The following TBC1D4 variants were observed in gnomAD, a reference collection of about 807,000 sequenced individuals.
TBC1D4 encodes the protein TBC (Tre-2, BUB2, CDC16) domain-containing protein.
A neutral mutation model predicts 142.5 loss-of-function variants in TBC1D4; 121 were observed. The ratio of observed to expected loss-of-function variants is 0.85; its 90% CI spans 0.73 to 0.99. The LOEUF is 0.99. Ranked by LOEUF, TBC1D4 falls within the 50% of genes least tolerant of loss-of-function variation. TBC1D4 has a pLI of 0.00. For synonymous variants in TBC1D4, 630 were observed against 628.2 expected (o/e 1.00, Z -0.04); for missense variants, 1,475 against 1,606.6 (o/e 0.92, Z 1.40).
intron 1 of TBC1D4, among the ~76,000 whole-genome samples, chr13:75,370,260 C>T (rs953013565): frequency 1.3e-5 from 2 of 152,168 alleles, no homozygotes; most frequent in Admixed American, 6.5e-5. Flanking sequence ...TTGTGGGAGA[C>T]GTGGGAGATC....
intron 1 of TBC1D4, among the ~76,000 whole-genome samples, chr13:75,373,950 C>T (rs920618857): frequency 6.6e-6 from 1 of 152,118 alleles, no homozygotes; most frequent in Non-Finnish European, 1.5e-5. Flanking sequence ...TTCTTTTCAT[C>T]TTTGATTGCA....
At chr13:75,300,076 G>C (rs965696940) in intron 16 of TBC1D4, among the ~76,000 whole-genome samples, 4 of 151,914 alleles carry the variant, frequency 2.6e-5, no homozygotes, top group Non-Finnish European at 4.4e-5. Flanking sequence ...GGACTTTTTG[G>C]GTTTGTTTGA....
At chr13:75,371,736 A>T (rs966720160) in intron 1 of TBC1D4, among the ~76,000 whole-genome samples, 2 of 152,172 alleles carry the variant, frequency 1.3e-5, no homozygotes, top group Non-Finnish European at 2.9e-5. Context: ...TAATTAGAAG[A>T]GCGGTTTGCC....
chr13:75,361,997 A>C (rs1254258046), intron 2 of TBC1D4, 29 bp downstream of exon 2: 1 of 1,613,578 alleles, frequency 6.2e-7, no homozygotes, highest in African/African-American at 1.3e-5. Flanking sequence ...CTTTTGGGGC[A>C]AGGGCAGACA....
intron 11 of TBC1D4, among the ~76,000 whole-genome samples, chr13:75,322,269 C>T (rs886556632): frequency 6.6e-6 from 1 of 152,068 alleles, no homozygotes; most frequent in Non-Finnish European, 1.5e-5. Flanking sequence ...TTGCACATAG[C>T]CAAGAAAACA....
intron 11 of TBC1D4, among the ~76,000 whole-genome samples, chr13:75,321,317 C>A (rs1878758484): frequency 6.6e-6 from 1 of 152,000 alleles, no homozygotes; most frequent in Admixed American, 6.6e-5. Context: ...AGAAACCATG[C>A]TCTTGAATTG....
chr13:75,299,823 C>CAAAAAAAAA (rs56719877), intron 16 of TBC1D4, among the ~76,000 whole-genome samples: 8 of 105,966 alleles, frequency 7.5e-5, no homozygotes, highest in East Asian at 7.5e-4. Context: ...TTCTTTCCAG[C>CAAAAAAAAA]AAAAAAAAAA....
chr13:75,425,541 C>T (rs1886342173), intron 1 of TBC1D4, among the ~76,000 whole-genome samples: 2 of 152,172 alleles, frequency 1.3e-5, no homozygotes, highest in East Asian at 3.8e-4. Flanking sequence ...TCATTATTCA[C>T]AATAGCCAAG....
chr13:75,417,246 C>T (rs1593863769), intron 1 of TBC1D4, among the ~76,000 whole-genome samples: 2 of 152,164 alleles, frequency 1.3e-5, no homozygotes, highest in East Asian at 3.9e-4. Flanking sequence ...GCCACTTGCC[C>T]TAGACACGTC....
chr13:75,447,905 C>CA (rs914790697), intron 1 of TBC1D4, among the ~76,000 whole-genome samples: 11 of 151,686 alleles, frequency 7.3e-5, no homozygotes, highest in Non-Finnish European at 1.0e-4. Flanking sequence ...TGTCTAGTTG[C>CA]AAAAAAACCA....
At chr13:75,369,643 C>T (rs7983928) in intron 1 of TBC1D4, among the ~76,000 whole-genome samples, 151,917 of 152,358 alleles carry the variant, frequency 1, 75,740 homozygotes, top group Middle Eastern at 1. Context: ...TGTTTATCTA[C>T]AGAAAAGATA....
chr13:75,322,400 A>T (rs971278028), intron 11 of TBC1D4, among the ~76,000 whole-genome samples: 2 of 152,178 alleles, frequency 1.3e-5, no homozygotes, highest in Admixed American at 6.5e-5. Flanking sequence ...TCAACCCAAA[A>T]CTAATGTGTA....
rs144282392 is a variant in TBC1D4 at position 75,439,899 on chromosome 13, T to A, written c.498+41371A>T. ...AAAGAAAAGAAAATTAACTGGTATA[T>A]ATGCAATATTCCAAACAACTTAAAA... On this transcript the variant is annotated intron_variant, in intron 1 of 20. Transcript: ENST00000377636. Among the ~76,000 whole-genome samples, 64 of 152,230 alleles carry A rather than the reference T, an allele frequency of 4.2e-4. 1 individual carries two copies. The East Asian group carries it at 9.9e-3, about 23-fold the overall frequency.
chr13:75,371,083 A>G (rs1883197968), intron 1 of TBC1D4, among the ~76,000 whole-genome samples: 1 of 152,248 alleles, frequency 6.6e-6, no homozygotes, highest in African/African-American at 2.4e-5. Flanking sequence ...AAAAGAAAAG[A>G]GTAATCAACA....
intron 5 of TBC1D4, among the ~76,000 whole-genome samples, chr13:75,341,997 A>G (rs192684086): frequency 1.3e-5 from 2 of 152,320 alleles, no homozygotes; most frequent in African/African-American, 4.8e-5. Context: ...TCTGACAAGC[A>G]TGAAGCAAAT....
chr13:75,382,389 C>T (rs1208141246), intron 1 of TBC1D4, among the ~76,000 whole-genome samples: 1 of 152,186 alleles, frequency 6.6e-6, no homozygotes, highest in Non-Finnish European at 1.5e-5. Flanking sequence ...GCTGCTTCCT[C>T]AACACTGCTC....
chr13:75,373,152 CT>C (rs1344204711), intron 1 of TBC1D4, among the ~76,000 whole-genome samples: 2 of 152,166 alleles, frequency 1.3e-5, no homozygotes, highest in Admixed American at 6.5e-5. Context: ...CAAACTCTAG[CT>C]GAGATCAGTA....
intron 7 of TBC1D4, among the ~76,000 whole-genome samples, chr13:75,337,742 T>C (rs1346164485): frequency 1.3e-5 from 2 of 152,110 alleles, no homozygotes; most frequent in Non-Finnish European, 2.9e-5. Context: ...AGATTGGCTG[T>C]GGGTCTAAAC....
intron 1 of TBC1D4, among the ~76,000 whole-genome samples, chr13:75,454,366 T>C (rs771684913): frequency 2.0e-5 from 3 of 152,226 alleles, no homozygotes; most frequent in Non-Finnish European, 4.4e-5. Context: ...TCTGAAATGT[T>C]ATTTAAAATA....
Sources: allele counts gnomAD v4.1 joint callset (sites outside exome capture counted in the v4.1 genomes callset), GRCh38; gene constraint gnomAD v4.1.1; transcripts MANE v1.5; gene names NCBI Gene and HGNC (gene_info 2026-07-23, HGNC 2026-07-21).